Variants in CSTPP1 observed in about 807,000 individuals in gnomAD.
CSTPP1 encodes UPF0705 protein C11orf49.
the CSTPP1 span, among the ~76,000 whole-genome samples, chr11:47,115,003 C>T: frequency 6.6e-6 from 1 of 152,150 alleles, no homozygotes; most frequent in Admixed American, 6.5e-5. Context: ...GAGATACGTT[C>T]CATCAATACC....
At chr11:47,038,247 C>A in the CSTPP1 span, among the ~76,000 whole-genome samples, 11 of 114,178 alleles carry the variant, frequency 9.6e-5, 1 homozygote, top group East Asian at 2.8e-3. Flanking sequence ...GCGCCCCTCA[C>A]TTCCCGGATG....
At chr11:47,117,068 T>C in the CSTPP1 span, among the ~76,000 whole-genome samples, 1 of 152,254 alleles carries the variant, frequency 6.6e-6, no homozygotes, top group East Asian at 1.9e-4. Flanking sequence ...AGTACACTGA[T>C]AGGTCTTGCC....
the CSTPP1 span, among the ~76,000 whole-genome samples, chr11:47,153,953 T>C: frequency 6.6e-6 from 1 of 152,084 alleles, no homozygotes; most frequent in African/African-American, 2.4e-5. Flanking sequence ...TTTTTTGTTT[T>C]TTTTTTGACA....
chr11:46,996,090 G>A, the CSTPP1 span, among the ~76,000 whole-genome samples: 1 of 151,996 alleles, frequency 6.6e-6, no homozygotes, highest in Non-Finnish European at 1.5e-5. Context: ...TCAAAGACTA[G>A]GATTGCAACC....
the CSTPP1 span, among the ~76,000 whole-genome samples, chr11:46,951,631 G>T: frequency 1.3e-5 from 2 of 152,012 alleles, no homozygotes; most frequent in African/African-American, 4.8e-5. Flanking sequence ...TCTTGGTGAG[G>T]TAGTGTCATT....
the CSTPP1 span, among the ~76,000 whole-genome samples, chr11:47,034,467 GA>G: frequency 1.3e-5 from 2 of 151,280 alleles, no homozygotes; most frequent in African/African-American, 4.9e-5. Flanking sequence ...AACTGCTCAG[GA>G]AGATATCCTT....
chr11:46,937,492 A>G, the CSTPP1 span, among the ~76,000 whole-genome samples: 3 of 152,178 alleles, frequency 2.0e-5, no homozygotes, highest in African/African-American at 7.2e-5. Context: ...TTTAGTGTAT[A>G]AGGCATTTAA....
chr11:46,975,509 A>G, the CSTPP1 span, among the ~76,000 whole-genome samples: 1 of 152,170 alleles, frequency 6.6e-6, no homozygotes, highest in African/African-American at 2.4e-5. Flanking sequence ...CATTGGTTTA[A>G]TTTGAACCCT....
chr11:47,107,457 G>T, the CSTPP1 span, among the ~76,000 whole-genome samples: 1 of 152,308 alleles, frequency 6.6e-6, no homozygotes, highest in Non-Finnish European at 1.5e-5. Flanking sequence ...ACCTTGATCT[G>T]TTGGAGTCTA....
At chr11:46,951,682 A>T in the CSTPP1 span, among the ~76,000 whole-genome samples, 2 of 152,170 alleles carry the variant, frequency 1.3e-5, no homozygotes, top group African/African-American at 4.8e-5. Context: ...TAAATGTGTT[A>T]TAACAGTTAC....
chr11:47,084,675 T>C, the CSTPP1 span, among the ~76,000 whole-genome samples: 1 of 152,194 alleles, frequency 6.6e-6, no homozygotes, highest in African/African-American at 2.4e-5. Flanking sequence ...GTGGTTCCTT[T>C]GTTAAAAATA....
chr11:47,070,778 G>T, the CSTPP1 span, among the ~76,000 whole-genome samples: 1 of 152,162 alleles, frequency 6.6e-6, no homozygotes, highest in Admixed American at 6.5e-5. Flanking sequence ...CCCTGGTCTT[G>T]TCACTGCTGC....
At chr11:47,097,547 T>C in the CSTPP1 span, among the ~76,000 whole-genome samples, 1 of 39,542 alleles carries the variant, frequency 2.5e-5, no homozygotes, top group Non-Finnish European at 5.0e-5. Context: ...GAGGAGCCCC[T>C]CTGCCCGGCC....
chr11:47,070,369 C>T, the CSTPP1 span, among the ~76,000 whole-genome samples: 1 of 152,134 alleles, frequency 6.6e-6, no homozygotes, highest in Non-Finnish European at 1.5e-5. Flanking sequence ...ATAACCTGCT[C>T]TTGATTCCCA....
At chr11:46,937,350 CG>C in the CSTPP1 span, among the ~76,000 whole-genome samples, 1 of 1,158 alleles carries the variant, frequency 8.6e-4, no homozygotes, top group Admixed American at 0.029. Context: ...AGGTAACTTG[CG>C]TTAAGTTAGG....
chr11:47,044,877 C>G, the CSTPP1 span, among the ~76,000 whole-genome samples: 1 of 152,138 alleles, frequency 6.6e-6, no homozygotes, highest in Non-Finnish European at 1.5e-5. Flanking sequence ...CTACTGCACT[C>G]CAGCCTGGGC....
At chr11:47,097,450 G>A in the CSTPP1 span, among the ~76,000 whole-genome samples, 1 of 61,404 alleles carries the variant, frequency 1.6e-5, no homozygotes, top group African/African-American at 6.7e-5. Context: ...CGGGAGGGAG[G>A]TGGGGGGGGG....
At chr11:47,157,095 C>T in the CSTPP1 span, 44 of 1,614,054 alleles carry the variant, frequency 2.7e-5, no homozygotes, top group Non-Finnish European at 3.3e-5. Context: ...GTGATTGTGC[C>T]GACGTCGTCC....
At chr11:47,012,125 T>C in the CSTPP1 span, among the ~76,000 whole-genome samples, 1 of 150,350 alleles carries the variant, frequency 6.7e-6, no homozygotes, top group Non-Finnish European at 1.5e-5. Context: ...AAAAAAAAAT[T>C]AGCCAGGCTT....
Sources: allele counts gnomAD v4.1 joint callset (sites outside exome capture counted in the v4.1 genomes callset), GRCh38; gene constraint gnomAD v4.1.1; transcripts MANE v1.5; gene names NCBI Gene and HGNC (gene_info 2026-07-23, HGNC 2026-07-21).